Variants in DMXL1 observed in about 807,000 individuals in gnomAD.
The protein encoded by DMXL1 is dmX-like protein 1.
DMXL1 carries 99 observed loss-of-function variants against 319.2 expected under a neutral mutation model. The observed-to-expected ratio is 0.31, with a 90% CI of 0.26 to 0.37. DMXL1 has a LOEUF of 0.37. Among genes scored for constraint, DMXL1 ranks in the 10% least tolerant of loss-of-function variants. DMXL1 has a pLI of 1.00. For missense variants in DMXL1, 3,745 were observed against 3,595.6 expected (o/e 1.04, Z -1.06); for synonymous variants, 1,385 against 1,235.2 (o/e 1.12, Z -2.54).
intron 1 of DMXL1, among the ~76,000 whole-genome samples, chr5:119,091,117 C>A (rs948070589): frequency 2.6e-5 from 4 of 152,026 alleles, no homozygotes; most frequent in African/African-American, 9.7e-5. Flanking sequence ...ATTTTGAATT[C>A]TTGGTCAGAG....
chr5:119,139,045 C>G (rs959429018), intron 13 of DMXL1: 7 of 152,122 alleles, frequency 4.6e-5, no homozygotes, highest in Admixed American at 2.6e-4. Flanking sequence ...TCTAGTCAAA[C>G]TAAGCTTCCG....
chr5:119,147,399 C>T lies in DMXL1; in HGVS notation c.2840C>T (p.Ser947Leu), dbSNP rs1458922465. The change falls in exon 17 of 44, where the codon TCA (serine) becomes TTA (leucine). Residue 947 changes from serine to leucine, a missense_variant. Around this residue, in one of 4 missense-constraint regions of DMXL1, gnomAD observed 2,096 missense variants for 1,985.4 expected, o/e 1.06. Transcript: ENST00000539542. The part of the protein sequence containing the change: ...LQSTSRLTLF[S>L]EMVYSQELHL... ...AGTACCAGCAGGTTGACTCTGTTTT[C>T]AGAAATGGTTTATAGCCAAGAATTG... The T allele has an allele frequency of 6.2e-7, 1 of 1,613,400 alleles. No homozygotes were observed. Among genetic ancestry groups the T allele is most frequent in the African/African-American group, 1.3e-5 (1 of 74,872 alleles).
chr5:119,141,965 C>G (rs905868304), intron 13 of DMXL1, among the ~76,000 whole-genome samples: 1 of 152,002 alleles, frequency 6.6e-6, no homozygotes, highest in Non-Finnish European at 1.5e-5. Flanking sequence ...AGACCACACA[C>G]CTACAACTGT....
intron 1 of DMXL1, among the ~76,000 whole-genome samples, chr5:119,095,055 A>C: frequency 6.6e-6 from 1 of 152,090 alleles, no homozygotes; most frequent in East Asian, 1.9e-4. Context: ...TGGTTTTGCC[A>C]TGTTGCCCAA....
At chr5:119,232,839 A>G (rs924341952) in intron 38 of DMXL1, among the ~76,000 whole-genome samples, 2 of 151,396 alleles carry the variant, frequency 1.3e-5, no homozygotes, top group Admixed American at 6.6e-5. Flanking sequence ...ACAAAATTAC[A>G]AAAAAAACAG....
At position 119,193,901 on chromosome 5, in the gene DMXL1, A is replaced by G. The variant is rs146526208; in HGVS notation, c.7388A>G (p.Asn2463Ser). Residue 2463 changes from asparagine (N) to serine (S), a missense_variant, in exon 30 of 44, where the codon AAT (asparagine) becomes AGT (serine). Asn to Ser is a conservative substitution (Grantham distance 46). Around this residue, in one of 4 missense-constraint regions of DMXL1, gnomAD observed 1,382 missense variants for 1,269.5 expected, o/e 1.09. Coordinates refer to ENST00000539542, the MANE Select transcript of DMXL1 (RefSeq NM_001290321.3). Reference protein sequence around the residue: ...EESLGSDDDDNDDDDDVLASD... With the variant: ...EESLGSDDDDSDDDDDVLASD... Reference sequence around the variant, plus strand: ...AGTCTGGGAAGTGATGATGATGACAATGATGATGATGATGATGTTTTAGCA... The same window carrying G: ...AGTCTGGGAAGTGATGATGATGACAGTGATGATGATGATGATGTTTTAGCA... The G allele has an allele frequency of 1.1e-3, 1,750 of 1,570,866 alleles. 15 individuals are homozygous for G. The African/African-American group carries it at 0.022, about 19-fold the overall frequency.
intron 28 of DMXL1, among the ~76,000 whole-genome samples, chr5:119,180,326 A>G (rs1200098017): frequency 6.6e-6 from 1 of 152,184 alleles, no homozygotes; most frequent in Non-Finnish European, 1.5e-5. Context: ...AGCTTCCTTT[A>G]GCCAATCTAG....
intron 28 of DMXL1, among the ~76,000 whole-genome samples, chr5:119,182,613 A>G (rs962979666): frequency 1.3e-5 from 2 of 151,458 alleles, no homozygotes; most frequent in African/African-American, 2.4e-5. Context: ...GTAACATAAT[A>G]TTTAAAGATA....
rs374332728 is a variant in DMXL1 at position 119,114,578 on chromosome 5, T to C, written c.564+37T>C. On this transcript the variant is annotated intron_variant, in intron 6 of 43. Transcript: ENST00000539542. ...AAATGCTATTGCCAAATTATGTGTT[T>C]ATAGTTTACTTTGAAACTTTAAAAA... is the stretch of plus-strand genomic sequence containing the variant. The C allele has an allele frequency of 3.2e-4, 448 of 1,395,100 alleles. No individual in the cohort carries two copies. In the Middle Eastern group the frequency reaches 4.7e-3, roughly 15 times the overall value. The allele number at this position is 1,395,100 out of a possible 1,614,324, so 86.4% of individuals were successfully genotyped here.
intron 34 of DMXL1, among the ~76,000 whole-genome samples, chr5:119,208,878 C>A (rs925556809): frequency 6.6e-6 from 1 of 152,160 alleles, no homozygotes; most frequent in African/African-American, 2.4e-5. Context: ...GTGCCCTCTT[C>A]CCCAGGCAGC....
Position 119,171,069 on chromosome 5 carries a change from A to G in DMXL1, c.6278A>G (p.Glu2093Gly), listed in dbSNP as rs199814058. The change falls in exon 24 of 44, where the codon GAA becomes GGA. Residue 2093 changes from glutamate (E) to glycine (G), a missense_variant. Physicochemically the swap from Glu to Gly is moderately conservative, Grantham distance 98. This residue lies in a region of DMXL1 where 1,382 missense variants were observed against 1,269.5 expected (regional missense o/e 1.09). Coordinates refer to ENST00000539542, the MANE Select transcript of DMXL1 (RefSeq NM_001290321.3). ...LQSAFGRNED[E>G]FGLNEDAEDL... ...TCTGCATTTGGCAGAAATGAAGATG[A>G]ATTTGGATTAAATGAGGATGCTGAA... is the stretch of plus-strand genomic sequence containing the variant. 1.9e-6 allele frequency: 3 copies of G among 1,613,904 alleles called. No individual in the cohort carries two copies. The East Asian group carries it at 6.7e-5, about 36-fold the overall frequency.
At chr5:119,090,166 G>A (rs919263837) in intron 1 of DMXL1, among the ~76,000 whole-genome samples, 11 of 150,118 alleles carry the variant, frequency 7.3e-5, no homozygotes, top group Non-Finnish European at 1.0e-4. Flanking sequence ...GATTATAGGC[G>A]CCCACCACCC....
intron 1 of DMXL1, among the ~76,000 whole-genome samples, chr5:119,086,252 C>T (rs1753340569): frequency 1.3e-5 from 2 of 152,052 alleles, no homozygotes; most frequent in African/African-American, 4.8e-5. Context: ...GTAAACCGCC[C>T]CCATGATTCA....
intron 1 of DMXL1, among the ~76,000 whole-genome samples, chr5:119,078,085 G>T (rs557199524): frequency 4.6e-5 from 7 of 152,006 alleles, no homozygotes; most frequent in African/African-American, 1.4e-4. Flanking sequence ...TTTTATTTAA[G>T]AATTTAGTGG....
chr5:119,074,929 T>C (rs1247214532), intron 1 of DMXL1, among the ~76,000 whole-genome samples: 1 of 152,254 alleles, frequency 6.6e-6, no homozygotes, highest in East Asian at 1.9e-4. Flanking sequence ...TCTTGGAATT[T>C]CTTTTTTTCT....
chr5:119,193,181 T>G (rs780411254), intron 29 of DMXL1, among the ~76,000 whole-genome samples: 1 of 152,286 alleles, frequency 6.6e-6, no homozygotes, highest in East Asian at 1.9e-4. Flanking sequence ...GTACAACTTA[T>G]TGGTGGCATT....
intron 1 of DMXL1, among the ~76,000 whole-genome samples, chr5:119,076,843 A>T (rs1175771449): frequency 6.6e-6 from 1 of 152,164 alleles, no homozygotes; most frequent in Non-Finnish European, 1.5e-5. Flanking sequence ...TTATATTTTG[A>T]TTATATGCTT....
At chr5:119,243,125 G>T (rs576973598) in intron 42 of DMXL1, among the ~76,000 whole-genome samples, 13 of 152,248 alleles carry the variant, frequency 8.5e-5, no homozygotes, top group African/African-American at 3.1e-4. Flanking sequence ...CTTAGTGATG[G>T]TTACACAGAT....
intron 1 of DMXL1, among the ~76,000 whole-genome samples, chr5:119,093,193 T>C (rs1755184181): frequency 6.6e-6 from 1 of 152,196 alleles, no homozygotes; most frequent in African/African-American, 2.4e-5. Flanking sequence ...CTTTTTTTAT[T>C]ATTATTTTTG....
Sources: allele counts gnomAD v4.1 joint callset (sites outside exome capture counted in the v4.1 genomes callset), GRCh38; gene constraint gnomAD v4.1.1; regional missense constraint gnomAD v4.1.1; transcripts MANE v1.5; gene names NCBI Gene and HGNC (gene_info 2026-07-23, HGNC 2026-07-21).